The following EMCN variants were observed in gnomAD, a reference collection of about 807,000 sequenced individuals.
EMCN encodes the protein MUC-14.
Under a neutral mutation model 38.4 loss-of-function variants are expected in EMCN, and 37 were observed. The observed-to-expected ratio is 0.96, with a 90% CI of 0.74 to 1.27. EMCN has a LOEUF of 1.27. EMCN is among the 50% of genes most tolerant of loss of function. The pLI is 0.00. For missense variants in EMCN, 318 were observed against 302.8 expected, an observed-to-expected ratio of 1.05 and a Z score of -0.37; for synonymous variants, 95 against 100.8, an observed-to-expected ratio of 0.94 and a Z score of 0.35.
At chr4:100,481,352 A>G (rs1385240225) in intron 1 of EMCN, among the ~76,000 whole-genome samples, 1 of 152,166 alleles carries the variant, frequency 6.6e-6, no homozygotes, top group Non-Finnish European at 1.5e-5. Context: ...TATGTGCTGT[A>G]TAATTTTATA....
intron 1 of EMCN, among the ~76,000 whole-genome samples, chr4:100,499,367 C>T (rs1225969473): frequency 6.6e-6 from 1 of 152,150 alleles, no homozygotes; most frequent in East Asian, 1.9e-4. Context: ...ATTAGTATTA[C>T]ATTATAATGT....
At chr4:100,460,050 C>T (rs1197098520) in intron 4 of EMCN, among the ~76,000 whole-genome samples, 1 of 152,162 alleles carries the variant, frequency 6.6e-6, no homozygotes, top group Admixed American at 6.5e-5. Flanking sequence ...CAACAGTATA[C>T]AAGATTTCTC....
chr4:100,499,797 G>T (rs1213204790), intron 1 of EMCN, among the ~76,000 whole-genome samples: 1 of 152,172 alleles, frequency 6.6e-6, no homozygotes, highest in Non-Finnish European at 1.5e-5. Flanking sequence ...TAAAGATGGT[G>T]AATACCTTTA....
At chr4:100,488,917 GTTGTT>G (rs1273609920) in intron 1 of EMCN, among the ~76,000 whole-genome samples, 2 of 152,006 alleles carry the variant, frequency 1.3e-5, no homozygotes, top group Admixed American at 1.3e-4. Flanking sequence ...GCCCTGAAAG[GTTGTT>G]TTAAGTTACA....
intron 5 of EMCN, among the ~76,000 whole-genome samples, chr4:100,443,492 CA>C (rs2110238895): frequency 6.6e-6 from 1 of 152,312 alleles, no homozygotes; most frequent in South Asian, 2.1e-4. Flanking sequence ...GTTGCTAGGG[CA>C]AAGGCTTAAC....
intron 11 of EMCN, among the ~76,000 whole-genome samples, chr4:100,403,530 T>G (rs1376307257): frequency 6.6e-6 from 1 of 151,710 alleles, no homozygotes; most frequent in Non-Finnish European, 1.5e-5. Context: ...AGTGCTGTGA[T>G]GAACATACAT....
chr4:100,497,870 T>TA (rs1457520975), intron 1 of EMCN, among the ~76,000 whole-genome samples: 4 of 151,524 alleles, frequency 2.6e-5, no homozygotes, highest in Non-Finnish European at 5.9e-5. Context: ...AGTATAGGAG[T>TA]AAATGCATCA....
At chr4:100,405,187 A>C (rs1205598984) in intron 11 of EMCN, among the ~76,000 whole-genome samples, 2 of 151,944 alleles carry the variant, frequency 1.3e-5, no homozygotes, top group Non-Finnish European at 2.9e-5. Flanking sequence ...TCTTCTCTTC[A>C]TATTTGAATG....
intron 1 of EMCN, among the ~76,000 whole-genome samples, chr4:100,482,460 G>A (rs185931998): frequency 6.6e-6 from 1 of 152,246 alleles, no homozygotes; most frequent in East Asian, 1.9e-4. Flanking sequence ...CATGAATAAT[G>A]AATACTTCAT....
At chr4:100,495,392 A>G (rs1008247027) in intron 1 of EMCN, among the ~76,000 whole-genome samples, 1 of 152,140 alleles carries the variant, frequency 6.6e-6, no homozygotes, top group Non-Finnish European at 1.5e-5. Context: ...ATCAGAACAA[A>G]TAAAATCTGA....
chr4:100,445,964 T>C (rs1299266009), intron 5 of EMCN: 2 of 649,812 alleles, frequency 3.1e-6, no homozygotes, highest in Non-Finnish European at 3.8e-6. Context: ...AAAATAAAAA[T>C]AGCCTAAATG....
Position 100,511,816 on chromosome 4 carries a change from G to A in EMCN, c.64+6035C>T, listed in dbSNP as rs1729631929. Among the ~76,000 whole-genome samples, 4 of 147,916 alleles carry A rather than the reference G, an allele frequency of 2.7e-5. No homozygotes were observed. In the South Asian group the frequency reaches 8.9e-4, roughly 33 times the overall value. On this transcript the variant is annotated intron_variant, in intron 1 of 11. Transcript: ENST00000296420. Reference sequence around the variant, plus strand: ...CTAAATAGCAGAGCCTGAAACAAGGGCTTCTGTTCAGACAGTTTATAAAAA... The same window carrying A: ...CTAAATAGCAGAGCCTGAAACAAGGACTTCTGTTCAGACAGTTTATAAAAA...
intron 1 of EMCN, among the ~76,000 whole-genome samples, chr4:100,511,552 A>T (rs1225737020): frequency 6.6e-6 from 1 of 152,216 alleles, no homozygotes; most frequent in Admixed American, 6.5e-5. Flanking sequence ...CTCACAGTAT[A>T]ATTCATTACT....
At chr4:100,412,012 T>C (rs182386883) in intron 10 of EMCN, among the ~76,000 whole-genome samples, 44 of 152,260 alleles carry the variant, frequency 2.9e-4, no homozygotes, top group Admixed American at 2.4e-3. Context: ...AAGATGACTA[T>C]GCACTTAATG....
chr4:100,410,495 T>G, intron 10 of EMCN, 140 bp from the exon 11 acceptor site: 1 of 758,008 alleles, frequency 1.3e-6, no homozygotes, highest in South Asian at 1.7e-5. Context: ...ATTTGCCTCT[T>G]GGTATTGTCT....
At chr4:100,483,791 T>C (rs946420870) in intron 1 of EMCN, among the ~76,000 whole-genome samples, 2 of 152,196 alleles carry the variant, frequency 1.3e-5, no homozygotes, top group African/African-American at 4.8e-5. Context: ...GTATTATCTG[T>C]AAATTCCTTC....
intron 3 of EMCN, among the ~76,000 whole-genome samples, chr4:100,472,293 T>A (rs900193743): frequency 2.0e-5 from 3 of 151,764 alleles, no homozygotes; most frequent in Non-Finnish European, 4.4e-5. Context: ...CATATAAAAA[T>A]AAATTATATT....
rs549443751 is a variant in EMCN, at chr4:100,462,645, G to T, written c.376+2778C>A. 3.9e-5 allele frequency among the ~76,000 whole-genome samples: 6 copies of T among 152,126 alleles called. No homozygotes were observed. In the South Asian group the frequency reaches 1.2e-3, roughly 32 times the overall value. On this transcript the variant is annotated intron_variant, in intron 4 of 11. Coordinates refer to ENST00000296420, the MANE Select transcript of EMCN (RefSeq NM_016242.4). ...GTAGATGAATTTTGGTTTCCTGAAG[G>T]TGCCTTTTAGATATATATTACTTAC...
chr4:100,446,238 A>C (rs1160367713), intron 5 of EMCN: 23 of 983,558 alleles, frequency 2.3e-5, no homozygotes, highest in Non-Finnish European at 2.5e-5. Flanking sequence ...AGTGCCTGCC[A>C]ATTTTTAGCC....
Sources: gnomAD v4.1 joint callset for allele counts (sites outside exome capture counted in the v4.1 genomes callset) on GRCh38, gnomAD v4.1.1 for gene constraint, MANE v1.5 for transcripts, NCBI Gene and HGNC (gene_info 2026-07-23, HGNC 2026-07-21) for gene names.